Variants in PLCB1 observed in about 807,000 individuals in gnomAD.
The protein encoded by PLCB1 is 1-phosphatidylinositol 4,5-bisphosphate phosphodiesterase beta-1.
Under a neutral mutation model 161.8 loss-of-function variants are expected in PLCB1, and 46 were observed. That is an observed-to-expected ratio of 0.28 (90% CI 0.22 to 0.36). The LOEUF (loss-of-function observed/expected upper bound fraction) is 0.36, where lower values mean the gene tolerates loss of function less well. PLCB1 is among the 10% of genes least tolerant of loss of function. PLCB1 has a pLI of 1.00. For missense variants in PLCB1, 1,016 were observed against 1,472.5 expected, an observed-to-expected ratio of 0.69 and a Z score of 5.07; for synonymous variants, 517 against 503.7, an observed-to-expected ratio of 1.03 and a Z score of -0.35.
chr20:8,254,396 T>TA (rs1981308327), intron 2 of PLCB1, among the ~76,000 whole-genome samples: 1 of 152,066 alleles, frequency 6.6e-6, no homozygotes, highest in Admixed American at 6.6e-5. Context: ...AGTAAACCTC[T>TA]AGAAGTATCC....
intron 26 of PLCB1, among the ~76,000 whole-genome samples, chr20:8,774,324 C>G (rs1982837427): frequency 6.6e-6 from 1 of 152,214 alleles, no homozygotes. Flanking sequence ...GCCCCTGCCT[C>G]TTTCTAGAGC....
At chr20:8,171,549 T>G (rs1471131918) in intron 2 of PLCB1, among the ~76,000 whole-genome samples, 1 of 152,104 alleles carries the variant, frequency 6.6e-6, no homozygotes, top group Non-Finnish European at 1.5e-5. Context: ...TGATTTTGAG[T>G]AAGTGACTTA....
At chr20:8,833,694 A>G (rs1986122126) in intron 31 of PLCB1, among the ~76,000 whole-genome samples, 1 of 152,208 alleles carries the variant, frequency 6.6e-6, no homozygotes, top group African/African-American at 2.4e-5. Flanking sequence ...TGTTGATTTC[A>G]GATTTCTGGC....
chr20:8,850,800 G>T (rs1425742683), intron 31 of PLCB1, among the ~76,000 whole-genome samples: 2 of 152,142 alleles, frequency 1.3e-5, no homozygotes, highest in Non-Finnish European at 2.9e-5. Flanking sequence ...CCAGAACTGT[G>T]AGAAATAAAT....
intron 2 of PLCB1, 58 bp downstream of exon 2, chr20:8,150,429 AT>A: frequency 2.7e-6 from 2 of 735,242 alleles, no homozygotes; most frequent in Non-Finnish European, 4.6e-6. Flanking sequence ...TTTGAAAAGT[AT>A]TTATGTATCT....
At chr20:8,256,482 A>T (rs931520243) in intron 2 of PLCB1, among the ~76,000 whole-genome samples, 1 of 152,134 alleles carries the variant, frequency 6.6e-6, no homozygotes, top group Non-Finnish European at 1.5e-5. Context: ...AGACAATGGA[A>T]GAATTGAAGG....
At chr20:8,712,338 G>C (rs989548811) in intron 12 of PLCB1, among the ~76,000 whole-genome samples, 1 of 151,956 alleles carries the variant, frequency 6.6e-6, no homozygotes, top group African/African-American at 2.4e-5. Context: ...AATGAGAAAA[G>C]CCACTGAAAC....
intron 27 of PLCB1, among the ~76,000 whole-genome samples, chr20:8,786,728 G>A (rs1983505133): frequency 7.5e-6 from 1 of 134,122 alleles, no homozygotes; most frequent in African/African-American, 2.8e-5. Context: ...TGCTCTTGTT[G>A]CCTAGAGTGT....
intron 2 of PLCB1, among the ~76,000 whole-genome samples, chr20:8,169,445 G>C (rs911870890): frequency 3.9e-5 from 6 of 152,060 alleles, no homozygotes; most frequent in African/African-American, 1.2e-4. Context: ...GAAACACTTG[G>C]CACAACACAC....
At chr20:8,199,345 A>C (rs1294933475) in intron 2 of PLCB1, among the ~76,000 whole-genome samples, 2 of 152,120 alleles carry the variant, frequency 1.3e-5, no homozygotes, top group Non-Finnish European at 1.5e-5. Context: ...TGGAATTATT[A>C]AGTCAAGTAT....
intron 1 of PLCB1, among the ~76,000 whole-genome samples, chr20:8,146,105 GTTTT>G (rs58227641): frequency 7.1e-6 from 1 of 141,738 alleles, no homozygotes. Flanking sequence ...TGTTTTTTTT[GTTTT>G]TTTTTTTTTT....
intron 31 of PLCB1, among the ~76,000 whole-genome samples, chr20:8,826,785 C>G (rs750141237): frequency 6.6e-6 from 1 of 152,106 alleles, no homozygotes; most frequent in Non-Finnish European, 1.5e-5. Context: ...AAAATATAAT[C>G]GCATCATTTT....
chr20:8,317,466 T>C (rs1233338648), intron 2 of PLCB1, among the ~76,000 whole-genome samples: 1 of 152,082 alleles, frequency 6.6e-6, no homozygotes, highest in Non-Finnish European at 1.5e-5. Context: ...TAGTGGAGTG[T>C]TTGGCACAAG....
intron 2 of PLCB1, among the ~76,000 whole-genome samples, chr20:8,283,302 C>G (rs1982964133): frequency 6.6e-6 from 1 of 152,074 alleles, no homozygotes; most frequent in African/African-American, 2.4e-5. Flanking sequence ...AGCTAGCAAT[C>G]TTTCCCAGAA....
intron 3 of PLCB1, among the ~76,000 whole-genome samples, chr20:8,431,405 C>T (rs1317979578): frequency 1.3e-5 from 2 of 152,114 alleles, no homozygotes; most frequent in Admixed American, 6.5e-5. Context: ...GAAACAGAAG[C>T]AGAAGGAGAG....
intron 31 of PLCB1, among the ~76,000 whole-genome samples, chr20:8,856,827 C>G (rs1190244028): frequency 6.6e-6 from 1 of 152,074 alleles, no homozygotes; most frequent in African/African-American, 2.4e-5. Context: ...AATCCTAAGT[C>G]CATGAATTTG....
At chr20:8,822,946 G>A (rs566554087) in intron 31 of PLCB1, among the ~76,000 whole-genome samples, 10 of 152,194 alleles carry the variant, frequency 6.6e-5, no homozygotes, top group South Asian at 2.1e-4. Flanking sequence ...GGGAAAAAAC[G>A]GTGTCTGTAC....
chr20:8,392,144 C>A (rs923449873), intron 3 of PLCB1, among the ~76,000 whole-genome samples: 1 of 151,830 alleles, frequency 6.6e-6, no homozygotes, highest in Non-Finnish European at 1.5e-5. Flanking sequence ...AAAGTTGTGG[C>A]CTTTTGAAGG....
chr20:8,440,823 T>C (rs1425424319), intron 3 of PLCB1, among the ~76,000 whole-genome samples: 1 of 151,612 alleles, frequency 6.6e-6, no homozygotes, highest in Non-Finnish European at 1.5e-5. Context: ...AAAGAAATGA[T>C]AAATGTTTTT....
Sources: allele counts gnomAD v4.1 joint callset (sites outside exome capture counted in the v4.1 genomes callset), GRCh38; gene constraint gnomAD v4.1.1; transcripts MANE v1.5; gene names NCBI Gene and HGNC (gene_info 2026-07-23, HGNC 2026-07-21).